KREMEN1: variants seen among roughly 807,000 people sequenced by gnomAD.
The protein encoded by KREMEN1 is kringle containing transmembrane protein 1.
KREMEN1 carries 30 observed loss-of-function variants against 46.5 expected under a neutral mutation model. The observed-to-expected ratio is 0.65, with a 90% CI of 0.48 to 0.88. The LOEUF (loss-of-function observed/expected upper bound fraction) is 0.88. Among genes scored for constraint, KREMEN1 ranks in the 40% least tolerant of loss-of-function variants. The pLI, the probability that KREMEN1 is intolerant of heterozygous loss-of-function variation, is 0.00. For missense variants in KREMEN1, 533 were observed against 596.9 expected (o/e 0.89, Z 1.11); for synonymous variants, 214 against 230.6 (o/e 0.93, Z 0.65).
At chr22:29,099,951 A>G (rs1235612634) in intron 3 of KREMEN1, among the ~76,000 whole-genome samples, 1 of 152,206 alleles carries the variant, frequency 6.6e-6, no homozygotes, top group Admixed American at 6.5e-5. Context: ...ACAGTCATGC[A>G]CCACACAAAA....
chr22:29,074,960 C>T lies in KREMEN1; in HGVS notation c.97+1733C>T, dbSNP rs1031915655. On this transcript the variant is annotated intron_variant, in intron 1 of 8. Transcript: ENST00000400335. ...ACTTTTATAGGGCCTCACAGTTCAT[C>T]GAGTGCTAGACACCTCATTTACCCT... Among the ~76,000 whole-genome samples, 10 of 152,160 alleles carry T rather than the reference C, an allele frequency of 6.6e-5. No individual in the cohort carries two copies. The East Asian group carries it at 9.6e-4, about 15-fold the overall frequency.
chr22:29,093,391 A>T (rs1053007995), intron 1 of KREMEN1, among the ~76,000 whole-genome samples: 4 of 152,166 alleles, frequency 2.6e-5, no homozygotes, highest in Non-Finnish European at 5.9e-5. Context: ...AGCTAATTTT[A>T]AAAAATTGTT....
chr22:29,101,868 A>C (rs1052579410), intron 3 of KREMEN1, among the ~76,000 whole-genome samples: 2 of 152,238 alleles, frequency 1.3e-5, no homozygotes, highest in African/African-American at 4.8e-5. Flanking sequence ...TCTCAGAGCG[A>C]AACCTTGCCT....
chr22:29,117,660 A>G (rs1366954011), intron 3 of KREMEN1, among the ~76,000 whole-genome samples: 1 of 152,128 alleles, frequency 6.6e-6, no homozygotes, highest in Non-Finnish European at 1.5e-5. Context: ...AGTGCTTCTG[A>G]GACCAGGCCT....
At chr22:29,106,381 C>T (rs539419026) in intron 3 of KREMEN1, among the ~76,000 whole-genome samples, 1 of 150,394 alleles carries the variant, frequency 6.6e-6, no homozygotes, top group East Asian at 2.0e-4. Flanking sequence ...CCATCACGCC[C>T]AGCTAATTTT....
intron 3 of KREMEN1, among the ~76,000 whole-genome samples, chr22:29,116,684 A>G (rs2038245121): frequency 6.6e-6 from 1 of 152,204 alleles, no homozygotes; most frequent in Admixed American, 6.5e-5. Context: ...AATGGAATAA[A>G]TGAGAGAAAA....
At chr22:29,091,885 A>C (rs1309916787) in intron 1 of KREMEN1, among the ~76,000 whole-genome samples, 2 of 152,242 alleles carry the variant, frequency 1.3e-5, no homozygotes, top group African/African-American at 4.8e-5. Context: ...TATTAGGGGA[A>C]GAACATTTTG....
intron 8 of KREMEN1, among the ~76,000 whole-genome samples, chr22:29,141,261 ATGTGTGTG>A (rs144907162): frequency 2.0e-5 from 3 of 146,454 alleles, no homozygotes; most frequent in East Asian, 2.0e-4. Flanking sequence ...CTGCATGTGC[ATGTGTGTG>A]TGTGTGTGTC....
Position 29,073,982 on chromosome 22 carries a change from C to T in KREMEN1, c.97+755C>T, listed in dbSNP as rs2037523050. On this transcript the variant is annotated intron_variant, in intron 1 of 8. Coordinates refer to ENST00000400335, the MANE Select transcript of KREMEN1 (RefSeq NM_001039570.3). This position sits in a 1 kb window ranked among gnomAD's most constrained non-coding sequence, Gnocchi z 4.4. ...AAGGTCCCCTCCCTGAGCCTCACTGCGACGCCCCCGCGTCCCCCAGTCCTC... is the reference window on the plus strand; with the variant it reads ...AAGGTCCCCTCCCTGAGCCTCACTGTGACGCCCCCGCGTCCCCCAGTCCTC... Among the ~76,000 whole-genome samples the T allele has an allele frequency of 6.6e-6, 1 of 152,066 alleles. No individual in the cohort carries two copies. The highest frequency in any genetic ancestry group is 2.4e-5 in the African/African-American group (1 of 41,406).
At chr22:29,129,209 G>A (rs1440763667) in intron 5 of KREMEN1, among the ~76,000 whole-genome samples, 1 of 152,080 alleles carries the variant, frequency 6.6e-6, no homozygotes, top group East Asian at 1.9e-4. Context: ...TCTAGAGGCC[G>A]GCACAGGGGT....
chr22:29,160,477 T>C (rs536229719), intron 9 of KREMEN1, among the ~76,000 whole-genome samples: 70 of 147,364 alleles, frequency 4.8e-4, no homozygotes, highest in Non-Finnish European at 9.8e-4. Context: ...GAGATGGAGG[T>C]TGCAGTGAGC....
chr22:29,166,395 CT>C (rs1319857958), intron 9 of KREMEN1, among the ~76,000 whole-genome samples: 1 of 152,196 alleles, frequency 6.6e-6, no homozygotes, highest in Non-Finnish European at 1.5e-5. Flanking sequence ...ACTTCTGCTC[CT>C]CACATCTGCT....
In KREMEN1 at chr22:29,143,306, C is replaced by T. The variant is rs2038799416; in HGVS notation, c.*1194C>T. 2.0e-6 allele frequency: 2 copies of T among 985,356 alleles called. No homozygotes were observed. The highest frequency in any genetic ancestry group is 4.7e-5 in the South Asian group (1 of 21,298). 61.0% of individuals were successfully genotyped at this position (985,356 alleles called of 1,614,324 possible). On this transcript the variant is annotated 3_prime_UTR_variant, in exon 9 of 9. Coordinates refer to ENST00000400335, the MANE Select transcript of KREMEN1 (RefSeq NM_001039570.3). ...ATGGTCCTATGGAACCTGAGCCAGG[C>T]CTCAGTCTCTCCATGATTGGCTCAG...
rs1277382699 is a variant in KREMEN1 at position 29,165,268 on chromosome 22, G to A, written c.1417-1776G>A. Among the ~76,000 whole-genome samples the A allele has an allele frequency of 5.9e-5, 9 of 152,074 alleles. No homozygotes were observed. The South Asian group carries it at 1.0e-3, about 18-fold the overall frequency. On this transcript the variant is annotated intron_variant, in intron 9 of 9. Coordinates refer to the KREMEN1 transcript ENST00000327813. ...CTACAAAAAATTCAAAAAATAGCCCGATGTGGTAGTGTGTACTTGTAGTCC... is the reference window on the plus strand; with the variant it reads ...CTACAAAAAATTCAAAAAATAGCCCAATGTGGTAGTGTGTACTTGTAGTCC...
At chr22:29,163,441 G>A (rs530690445) in intron 9 of KREMEN1, among the ~76,000 whole-genome samples, 7 of 151,342 alleles carry the variant, frequency 4.6e-5, no homozygotes, top group Admixed American at 1.3e-4. Context: ...GCAGTGGCGC[G>A]AACTCGGCTC....
At chr22:29,166,664 C>T (rs560305538) in intron 9 of KREMEN1, among the ~76,000 whole-genome samples, 58 of 152,230 alleles carry the variant, frequency 3.8e-4, no homozygotes, top group African/African-American at 1.3e-3. Flanking sequence ...TCAGGCCAGG[C>T]GCGGTAGCTC....
intron 3 of KREMEN1, among the ~76,000 whole-genome samples, chr22:29,115,529 A>G (rs134688): frequency 0.57 from 87,116 of 152,016 alleles, 26,028 homozygotes; most frequent in African/African-American, 0.73. Flanking sequence ...ATATAGTCCT[A>G]GAGCACCTGC....
At chr22:29,119,937 G>C (rs1397115882) in intron 3 of KREMEN1, among the ~76,000 whole-genome samples, 2 of 152,070 alleles carry the variant, frequency 1.3e-5, no homozygotes, top group Non-Finnish European at 2.9e-5. Context: ...GTAATCACAG[G>C]GTCCTTAGAG....
At position 29,146,436 on chromosome 22, in the gene KREMEN1, G is replaced by A. The variant is rs1162998515; in HGVS notation, c.*4324G>A. ...AGGCAGAAGTGGGGTGTGGAGGAAA[G>A]TCAGAGGGAAATCTGCTTCAGAAAG... is the stretch of plus-strand genomic sequence containing the variant. On this transcript the variant is annotated 3_prime_UTR_variant, in exon 9 of 9. Coordinates refer to ENST00000400335, the MANE Select transcript of KREMEN1 (RefSeq NM_001039570.3). 4.1e-6 allele frequency: 4 copies of A among 985,684 alleles called. No homozygotes were observed. The highest frequency in any genetic ancestry group is 3.6e-6 in the Non-Finnish European group (3 of 829,954). The allele number at this position is 985,684 out of a possible 1,614,324, so 61.1% of individuals were successfully genotyped here.
Sources: gnomAD v4.1 joint callset for allele counts (sites outside exome capture counted in the v4.1 genomes callset) on GRCh38, gnomAD v4.1.1 for gene constraint, Gnocchi (gnomAD v3.1) non-coding constraint, MANE v1.5 for transcripts, NCBI Gene and HGNC (gene_info 2026-07-23, HGNC 2026-07-21) for gene names.